The following LRP1B variants were observed in gnomAD, a reference collection of about 807,000 sequenced individuals.
LRP1B encodes low-density lipoprotein receptor-related protein 1B.
A neutral mutation model predicts 556.6 loss-of-function variants in LRP1B; 217 were observed. The observed-to-expected ratio is 0.39, with a 90% CI of 0.35 to 0.44. The LOEUF (loss-of-function observed/expected upper bound fraction) is 0.44, where lower values mean the gene tolerates loss of function less well. Among genes scored for constraint, LRP1B ranks in the 20% least tolerant of loss-of-function variants. The pLI is 1.00. For missense variants in LRP1B, 5,053 were observed against 5,620.8 expected (o/e 0.90, Z 3.23); for synonymous variants, 2,047 against 1,865.8 (o/e 1.10, Z -2.50).
intron 43 of LRP1B, among the ~76,000 whole-genome samples, chr2:140,564,556 G>A (rs540372298): frequency 6.6e-6 from 1 of 152,100 alleles, no homozygotes; most frequent in South Asian, 2.1e-4. Context: ...AAAATGTTAT[G>A]CTAGGAGATA....
At chr2:141,666,759 G>A (rs1690453724) in intron 2 of LRP1B, among the ~76,000 whole-genome samples, 1 of 152,092 alleles carries the variant, frequency 6.6e-6, no homozygotes, top group South Asian at 2.1e-4. Flanking sequence ...TCTGTCTCTT[G>A]AACTGATCTA....
chr2:140,244,311 C>G (rs1434888037), intron 87 of LRP1B, among the ~76,000 whole-genome samples: 1 of 151,130 alleles, frequency 6.6e-6, no homozygotes, highest in Admixed American at 6.6e-5. Flanking sequence ...AAAAGAGATA[C>G]AATGACCCCC....
At chr2:141,259,299 C>A (rs1027383757) in intron 3 of LRP1B, among the ~76,000 whole-genome samples, 2 of 136,778 alleles carry the variant, frequency 1.5e-5, no homozygotes, top group Non-Finnish European at 3.2e-5. Context: ...TGCTTTACCT[C>A]CAACTGTTTC....
At chr2:141,674,376 G>C (rs1690795255) in intron 2 of LRP1B, among the ~76,000 whole-genome samples, 1 of 151,954 alleles carries the variant, frequency 6.6e-6, no homozygotes, top group African/African-American at 2.4e-5. Flanking sequence ...TGTGACATTA[G>C]TCACACAGAG....
At chr2:140,437,131 A>G (rs573724962) in intron 66 of LRP1B, among the ~76,000 whole-genome samples, 7 of 152,088 alleles carry the variant, frequency 4.6e-5, no homozygotes, top group Non-Finnish European at 1.0e-4. Context: ...AGCGAAACCC[A>G]CAGTGCGTGA....
chr2:140,759,180 T>TA (rs550068155), intron 35 of LRP1B, among the ~76,000 whole-genome samples: 6 of 151,506 alleles, frequency 4.0e-5, no homozygotes, highest in Non-Finnish European at 8.8e-5. Flanking sequence ...GATTTTTTTT[T>TA]AAAAAATAGC....
chr2:141,057,235 G>T (rs1321689801), intron 9 of LRP1B, among the ~76,000 whole-genome samples: 2 of 151,852 alleles, frequency 1.3e-5, no homozygotes, highest in Non-Finnish European at 2.9e-5. Context: ...CTCACTAAAA[G>T]TATAAGCAAA....
intron 2 of LRP1B, among the ~76,000 whole-genome samples, chr2:141,794,860 T>C (rs1381740344): frequency 6.6e-6 from 1 of 152,076 alleles, no homozygotes; most frequent in Admixed American, 6.6e-5. Context: ...TTTTAAAGTG[T>C]AAGGAACATT....
In LRP1B at chr2:140,475,293, C is replaced by T. The variant is rs376664980; in HGVS notation, c.9470G>A (p.Arg3157His). 32 of 1,609,682 alleles carry T rather than the reference C, an allele frequency of 2.0e-5. No individual in the cohort carries two copies. In the African/African-American group the frequency reaches 3.3e-4, roughly 17 times the overall value. The change falls in exon 60 of 91, where the codon CGT becomes CAT. Residue 3157 changes from arginine to histidine, a missense_variant. By Grantham distance (29) the Arg-to-His change is conservative (BLOSUM62 0). Coordinates refer to ENST00000389484, the MANE Select transcript of LRP1B (RefSeq NM_018557.3). ...CTGATTGGTTCCATCCATTCCAACA[C>T]GGCCAATATGAGGATACTCGCAGCA... ...IDCCEYPHIG[R>H]VGMDGTNQSV...
intron 83 of LRP1B, among the ~76,000 whole-genome samples, chr2:140,309,551 C>T (rs963447343): frequency 6.6e-6 from 1 of 151,702 alleles, no homozygotes; most frequent in Non-Finnish European, 1.5e-5. Context: ...AGACTCTTAC[C>T]TTTATTCTCT....
At chr2:140,875,377 T>C (rs1244734200) in intron 25 of LRP1B, among the ~76,000 whole-genome samples, 1 of 152,216 alleles carries the variant, frequency 6.6e-6, no homozygotes, top group African/African-American at 2.4e-5. Context: ...AAAAGGCTTA[T>C]GGAAGTTATA....
At chr2:140,686,941 G>A (rs116677972) in intron 41 of LRP1B, among the ~76,000 whole-genome samples, 2,873 of 152,148 alleles carry the variant, frequency 0.019, 96 homozygotes, top group Admixed American at 0.073. Context: ...AAAATGGAAT[G>A]TGGTCATCAC....
At chr2:141,287,234 C>T (rs1685754477) in intron 3 of LRP1B, among the ~76,000 whole-genome samples, 1 of 151,926 alleles carries the variant, frequency 6.6e-6, no homozygotes, top group African/African-American at 2.4e-5. Flanking sequence ...TCTCATTCTG[C>T]CATTCTCATT....
intron 18 of LRP1B, among the ~76,000 whole-genome samples, chr2:140,960,443 G>A (rs1265669501): frequency 6.6e-6 from 1 of 151,760 alleles, no homozygotes; most frequent in Non-Finnish European, 1.5e-5. Context: ...GATCCTGATT[G>A]CAAATGAGAA....
rs114195793 is a variant in LRP1B at position 141,213,160 on chromosome 2, C to T, written c.850+16023G>A. On this transcript the variant is annotated intron_variant, in intron 6 of 90. Coordinates refer to ENST00000389484, the MANE Select transcript of LRP1B (RefSeq NM_018557.3). ...AAAGATGAGGTCTTGCTATGTTGCC[C>T]GGGTTGGTCTTGAACCCCCAGGCTG... 7.0e-3 allele frequency among the ~76,000 whole-genome samples: 1,061 copies of T among 151,196 alleles called. 10 individuals carry two copies. The highest frequency in any genetic ancestry group is 0.023 in the African/African-American group (956 of 41,074).
chr2:140,844,014 T>C (rs939422029), intron 29 of LRP1B, among the ~76,000 whole-genome samples: 2 of 152,104 alleles, frequency 1.3e-5, no homozygotes, highest in African/African-American at 4.8e-5. Context: ...CAAATATGTC[T>C]ATGTTGAGGA....
intron 41 of LRP1B, among the ~76,000 whole-genome samples, chr2:140,641,918 T>C (rs1056136577): frequency 6.6e-6 from 1 of 152,154 alleles, no homozygotes; most frequent in African/African-American, 2.4e-5. Context: ...AAACAAAAAA[T>C]CATTCAAGAA....
intron 11 of LRP1B, among the ~76,000 whole-genome samples, chr2:141,034,437 A>C (rs113506535): frequency 1.3e-5 from 2 of 151,770 alleles, no homozygotes; most frequent in Non-Finnish European, 2.9e-5. Context: ...ACAAAATGGG[A>C]GAAAATTTTC....
At chr2:142,008,731 G>A (rs1241445706) in intron 1 of LRP1B, among the ~76,000 whole-genome samples, 2 of 151,960 alleles carry the variant, frequency 1.3e-5, no homozygotes, top group East Asian at 3.9e-4. Context: ...GGAGGTGCAG[G>A]AAATTGGATA....
Sources: allele counts gnomAD v4.1 joint callset (sites outside exome capture counted in the v4.1 genomes callset), GRCh38; gene constraint gnomAD v4.1.1; transcripts MANE v1.5; gene names NCBI Gene and HGNC (gene_info 2026-07-23, HGNC 2026-07-21).